Variants in MT4 observed in about 807,000 individuals in gnomAD.
MT4 encodes metallothionein-4.
In MT4, 11 loss-of-function variants were observed where a neutral mutation model predicts 9.5. That is an observed-to-expected ratio of 1.16 (90% confidence interval 0.73 to 1.92). MT4 has a LOEUF of 1.92. Ranked by LOEUF, MT4 falls within the 30% of genes most tolerant of loss-of-function variation. The probability of loss-of-function intolerance (pLI) is 0.00; values close to 1 mark genes in which losing one functional copy is unlikely to be tolerated. For synonymous variants in MT4, 29 were observed against 24.6 expected (o/e 1.18, Z -0.53); for missense variants, 88 against 78.7 (o/e 1.12, Z -0.45).
At chr16:56,565,556 G>A (rs1258038304) in intron 1 of MT4, among the ~76,000 whole-genome samples, 11 of 152,182 alleles carry the variant, frequency 7.2e-5, no homozygotes, top group Non-Finnish European at 1.5e-4. Flanking sequence ...TGTAGACTGA[G>A]GTTCCTTATT....
chr16:56,566,313 C>G (rs1418905538), intron 1 of MT4, among the ~76,000 whole-genome samples: 1 of 151,962 alleles, frequency 6.6e-6, no homozygotes, highest in Non-Finnish European at 1.5e-5. Context: ...CACTTATGCC[C>G]AAGGAATTTG....
At chr16:56,566,794 GA>G (rs1221803546) in intron 1 of MT4, among the ~76,000 whole-genome samples, 2 of 45,312 alleles carry the variant, frequency 4.4e-5, no homozygotes, top group Non-Finnish European at 1.0e-4. Flanking sequence ...AAGAAAGAAA[GA>G]AAGAAAGAAA....
chr16:56,567,472 A>G (rs2144260104), intron 1 of MT4, among the ~76,000 whole-genome samples: 1 of 152,352 alleles, frequency 6.6e-6, no homozygotes, highest in Non-Finnish European at 1.5e-5. Context: ...CTTATGAATC[A>G]GAACATCTCA....
chr16:56,567,726 G>A, intron 1 of MT4, 25 bp from the exon 2 acceptor site: 2 of 1,610,580 alleles, frequency 1.2e-6, no homozygotes, highest in Non-Finnish European at 8.5e-7. Context: ...CCTCACGTTT[G>A]TGGTGGCTCT....
chr16:56,568,793 T>TGGAA (rs1959586356), intron 2 of MT4, 48 bp from the exon 3 acceptor site: 2 of 1,333,980 alleles, frequency 1.5e-6, no homozygotes, highest in Admixed American at 4.1e-5. Flanking sequence ...AGTGGTGAGA[T>TGGAA]GGAAGTGTTG....
chr16:56,567,547 G>A (rs1465020961), intron 1 of MT4, among the ~76,000 whole-genome samples: 4 of 152,170 alleles, frequency 2.6e-5, no homozygotes, highest in African/African-American at 9.7e-5. Flanking sequence ...AGCCATGCCA[G>A]TTCCCATCCA....
intron 2 of MT4, 52 bp from the exon 3 acceptor site, chr16:56,568,789 G>A: frequency 7.7e-7 from 1 of 1,293,206 alleles, no homozygotes; most frequent in Non-Finnish European, 1.1e-6. Context: ...GGGCAGTGGT[G>A]AGATGGAAGT....
intron 2 of MT4, among the ~76,000 whole-genome samples, chr16:56,568,275 AAGAAAG>A (rs1567330672): frequency 1.1e-5 from 1 of 93,528 alleles, no homozygotes; most frequent in African/African-American, 4.6e-5. Context: ...GAGAGAGAGA[AAGAAAG>A]AAAGAAAGAA....
chr16:56,568,203 G>A (rs1959562841), intron 2 of MT4, among the ~76,000 whole-genome samples: 1 of 69,004 alleles, frequency 1.4e-5, no homozygotes, highest in Non-Finnish European at 2.8e-5. Context: ...AAGGAAGAGA[G>A]AGAGAGAGAG....
intron 2 of MT4, among the ~76,000 whole-genome samples, chr16:56,568,330 A>G (rs533220356): frequency 2.7e-5 from 4 of 150,846 alleles, no homozygotes; most frequent in East Asian, 3.9e-4. Context: ...AGAAAGAAAG[A>G]AAGAAAGATC....
chr16:56,567,420 G>C (rs905489955), intron 1 of MT4, among the ~76,000 whole-genome samples: 1 of 152,124 alleles, frequency 6.6e-6, no homozygotes, highest in Admixed American at 6.6e-5. Context: ...AGAATTATTT[G>C]GGTTGCTTTT....
At chr16:56,566,726 GAAAGAAAGAAAGAAAGAAA>G (rs751805286) in intron 1 of MT4, among the ~76,000 whole-genome samples, 2,347 of 46,746 alleles carry the variant, frequency 0.05, 71 homozygotes, top group Admixed American at 0.063. Flanking sequence ...AAGAAAGAAA[GAAAGAAAGAAAGAAAGAAA>G]GAAGGAAGGA....
intron 2 of MT4, among the ~76,000 whole-genome samples, chr16:56,568,197 A>AAGAG (rs369467435): frequency 2.1e-5 from 2 of 93,718 alleles, no homozygotes; most frequent in African/African-American, 7.8e-5. Flanking sequence ...GGAAGGAAGG[A>AAGAG]AGAGAGAGAG....
intron 2 of MT4, 36 bp downstream of exon 2, chr16:56,567,852 G>A (rs1329596543): frequency 3.2e-6 from 5 of 1,581,966 alleles, no homozygotes; most frequent in Non-Finnish European, 3.5e-6. Flanking sequence ...TGGGCTGGGA[G>A]TTAGAAAAGT....
intron 1 of MT4, among the ~76,000 whole-genome samples, chr16:56,566,714 GAAAGAAAGAA>G (rs1959524792): frequency 9.6e-5 from 2 of 20,770 alleles, no homozygotes; most frequent in Admixed American, 1.3e-3. Context: ...AAGAAAGAAA[GAAAGAAAGAA>G]AGAAAGAAAG....
chr16:56,566,350 C>T (rs184907832), intron 1 of MT4, among the ~76,000 whole-genome samples: 1 of 151,862 alleles, frequency 6.6e-6, no homozygotes, highest in Admixed American at 6.6e-5. Context: ...TATAACAAGG[C>T]CCTGTTTCTA....
intron 1 of MT4, among the ~76,000 whole-genome samples, chr16:56,567,488 T>C (rs1959550764): frequency 6.6e-6 from 1 of 152,184 alleles, no homozygotes; most frequent in African/African-American, 2.4e-5. Context: ...TCTCAAGGGT[T>C]GGTCCCAGGA....
chr16:56,568,241 AAG>A (rs1959570112), intron 2 of MT4, among the ~76,000 whole-genome samples: 1 of 28,072 alleles, frequency 3.6e-5, no homozygotes, highest in African/African-American at 1.0e-4. Context: ...GAAAGAAAGA[AAG>A]AAAGAAAGAA....
chr16:56,565,073 A>G lies in MT4; in HGVS notation c.-56A>G. ...AATGGGGAGCCTCTGGCTGCTGCTCACTCAGCCTCCCTTCCCCAGCCGTGA... is the reference window on the plus strand; with the variant it reads ...AATGGGGAGCCTCTGGCTGCTGCTCGCTCAGCCTCCCTTCCCCAGCCGTGA... On this transcript the variant is annotated 5_prime_UTR_variant, in exon 1 of 3. Transcript: ENST00000219162. The G allele has an allele frequency of 6.2e-7, 1 of 1,608,284 alleles. No individual in the cohort carries two copies. The highest frequency in any genetic ancestry group is 8.5e-7 in the Non-Finnish European group (1 of 1,175,908).
Sources: gnomAD v4.1 joint callset for allele counts (sites outside exome capture counted in the v4.1 genomes callset) on GRCh38, gnomAD v4.1.1 for gene constraint, MANE v1.5 for transcripts, NCBI Gene and HGNC (gene_info 2026-07-23, HGNC 2026-07-21) for gene names.